The following PDE10A variants were observed in gnomAD, a reference collection of about 807,000 sequenced individuals.
PDE10A encodes the protein cAMP and cAMP-inhibited cGMP 3',5'-cyclic phosphodiesterase 10A.
Under a neutral mutation model 97.7 loss-of-function variants are expected in PDE10A, and 39 were observed. The ratio of observed to expected loss-of-function variants is 0.40; its 90% CI spans 0.31 to 0.52. The LOEUF (loss-of-function observed/expected upper bound fraction) is 0.52, where lower values mean the gene tolerates loss of function less well. Ranked by LOEUF, PDE10A falls within the 20% of genes least tolerant of loss-of-function variation. The pLI is 0.56. For missense variants in PDE10A, 731 were observed against 1,047.8 expected (o/e 0.70, Z 4.17); for synonymous variants, 371 against 376.8 (o/e 0.98, Z 0.18).
chr6:165,623,810 C>T (rs139559263), intron 1 of PDE10A, among the ~76,000 whole-genome samples: 1 of 152,250 alleles, frequency 6.6e-6, no homozygotes, highest in African/African-American at 2.4e-5. Flanking sequence ...GAATATGTCC[C>T]CAGGTTTTTC....
At chr6:165,758,660 G>A (rs1793181486) in intron 1 of PDE10A, among the ~76,000 whole-genome samples, 1 of 149,710 alleles carries the variant, frequency 6.7e-6, no homozygotes, top group Non-Finnish European at 1.5e-5. Context: ...AGGAGGAGGA[G>A]GAAGAGGAGG....
At chr6:165,630,429 T>C (rs1385061186) in intron 1 of PDE10A, among the ~76,000 whole-genome samples, 3 of 152,186 alleles carry the variant, frequency 2.0e-5, no homozygotes, top group African/African-American at 7.2e-5. Flanking sequence ...AACTTCAATA[T>C]AAAAGCAGAG....
intron 1 of PDE10A, among the ~76,000 whole-genome samples, chr6:165,836,844 T>C (rs936141638): frequency 2.6e-5 from 4 of 152,004 alleles, no homozygotes; most frequent in African/African-American, 7.3e-5. Context: ...GTGGCACATA[T>C]ACACCAAGGA....
intron 1 of PDE10A, among the ~76,000 whole-genome samples, chr6:165,829,659 G>A (rs1293908208): frequency 6.6e-6 from 1 of 152,178 alleles, no homozygotes; most frequent in East Asian, 1.9e-4. Flanking sequence ...CGGATCTCTC[G>A]ATAAACTGCC....
intron 1 of PDE10A, among the ~76,000 whole-genome samples, chr6:165,845,690 AG>A (rs1228165147): frequency 6.6e-6 from 1 of 152,242 alleles, no homozygotes; most frequent in African/African-American, 2.4e-5. Flanking sequence ...AAACCTCATA[AG>A]GAAAATATTA....
chr6:165,622,886 C>T, intron 1 of PDE10A, among the ~76,000 whole-genome samples: 1 of 152,122 alleles, frequency 6.6e-6, no homozygotes, highest in East Asian at 1.9e-4. Flanking sequence ...GGAGAGGATC[C>T]CTCATGACTT....
intron 1 of PDE10A, among the ~76,000 whole-genome samples, chr6:165,933,204 C>T (rs936129186): frequency 1.3e-4 from 19 of 151,936 alleles, no homozygotes; most frequent in African/African-American, 4.4e-4. Flanking sequence ...ATGAGAAGAC[C>T]CGAAACAGTC....
intron 1 of PDE10A, among the ~76,000 whole-genome samples, chr6:165,936,627 T>A (rs975559460): frequency 5.9e-5 from 9 of 151,992 alleles, no homozygotes; most frequent in Non-Finnish European, 1.2e-4. Flanking sequence ...ATGCAAACAA[T>A]GGGAGACAAG....
intron 2 of PDE10A, among the ~76,000 whole-genome samples, chr6:165,488,275 AG>A (rs1466246683): frequency 6.6e-6 from 1 of 152,200 alleles, no homozygotes; most frequent in Admixed American, 6.5e-5. Context: ...TTTTAGAGAA[AG>A]ATAAAGCATC....
chr6:165,951,778 A>G (rs1205076935), intron 1 of PDE10A, among the ~76,000 whole-genome samples: 3 of 152,180 alleles, frequency 2.0e-5, no homozygotes, highest in African/African-American at 7.2e-5. Flanking sequence ...GTGCGGGCAC[A>G]TCTTCTCCAT....
chr6:165,416,328 G>C, intron 11 of PDE10A, 47 bp from the exon 12 acceptor site: 1 of 1,164,234 alleles, frequency 8.6e-7, no homozygotes, highest in Non-Finnish European at 1.3e-6. Context: ...TATGGACTCT[G>C]TAGAATAATT....
intron 1 of PDE10A, among the ~76,000 whole-genome samples, chr6:165,609,927 T>C (rs1358033222): frequency 1.3e-5 from 2 of 152,178 alleles, no homozygotes; most frequent in African/African-American, 2.4e-5. Context: ...AAAATGGCCA[T>C]ACTGCCCAAG....
chr6:165,929,005 G>A (rs1173717281), intron 1 of PDE10A, among the ~76,000 whole-genome samples: 3 of 152,162 alleles, frequency 2.0e-5, no homozygotes, highest in Non-Finnish European at 4.4e-5. Flanking sequence ...TCCCCCAGAA[G>A]CTGTGTGTCC....
intron 1 of PDE10A, among the ~76,000 whole-genome samples, chr6:165,759,666 T>C (rs1793205848): frequency 6.6e-6 from 1 of 152,184 alleles, no homozygotes; most frequent in Non-Finnish European, 1.5e-5. Context: ...TTCCAACCAA[T>C]GATATTTTTT....
At chr6:165,809,354 G>A (rs572937483) in intron 1 of PDE10A, among the ~76,000 whole-genome samples, 1 of 152,256 alleles carries the variant, frequency 6.6e-6, no homozygotes, top group African/African-American at 2.4e-5. Flanking sequence ...CTCCTTCAGG[G>A]TCAAGTTCAA....
At chr6:165,567,340 A>G (rs1784824143) in intron 1 of PDE10A, among the ~76,000 whole-genome samples, 1 of 152,238 alleles carries the variant, frequency 6.6e-6, no homozygotes, top group Non-Finnish European at 1.5e-5. Context: ...TTTTTCAATC[A>G]AGGAAGCTAA....
chr6:165,739,131 C>A (rs544045473), intron 1 of PDE10A, among the ~76,000 whole-genome samples: 2 of 152,168 alleles, frequency 1.3e-5, no homozygotes, highest in Non-Finnish European at 2.9e-5. Flanking sequence ...AGAAATAGAA[C>A]AAAAAATCCT....
In PDE10A at chr6:165,662,776, G is replaced by T. The variant is rs1790354126; in HGVS notation, c.36C>A (p.Pro12=). Among the ~76,000 whole-genome samples, 1 of 149,492 alleles carries T rather than the reference G, an allele frequency of 6.7e-6. No homozygotes were observed. Among genetic ancestry groups the T allele is most frequent in the Non-Finnish European group, 1.5e-5 (1 of 66,986 alleles). The change falls in exon 1 of 22, where the codon CCC becomes CCA. Residue 12 remains proline, a synonymous_variant. Transcript: ENST00000539869. ...CCCCGGCCGCTGGCAGGGGACCCTG[G>T]GGGCGGGGAGCAAGAGGCTCCTCGA... ...ASLEEPLAPR[P]QGPLPAAGDE...
intron 18 of PDE10A, among the ~76,000 whole-genome samples, chr6:165,360,335 C>T (rs534272260): frequency 6.6e-6 from 1 of 152,300 alleles, no homozygotes; most frequent in Non-Finnish European, 1.5e-5. Context: ...GGCATCTCAG[C>T]ACAATTCCCA....
Sources: gnomAD v4.1 joint callset for allele counts (sites outside exome capture counted in the v4.1 genomes callset) on GRCh38, gnomAD v4.1.1 for gene constraint, MANE v1.5 for transcripts, NCBI Gene and HGNC (gene_info 2026-07-23, HGNC 2026-07-21) for gene names.